HTT: variants seen among roughly 807,000 people sequenced by gnomAD.
HTT encodes the protein huntington disease protein.
HTT carries 104 observed loss-of-function variants against 362.3 expected under a neutral mutation model. The ratio of observed to expected loss-of-function variants is 0.29; its 90% CI spans 0.24 to 0.34. The LOEUF (loss-of-function observed/expected upper bound fraction) is 0.34, where lower values mean the gene tolerates loss of function less well. HTT is among the 10% of genes least tolerant of loss of function. The pLI is 1.00. For missense variants in HTT, 3,301 were observed against 3,928.6 expected (o/e 0.84, Z 4.27); for synonymous variants, 1,577 against 1,548.7 (o/e 1.02, Z -0.43).
At chr4:3,113,133 G>A (rs755010572) in intron 6 of HTT, 4 of 475,522 alleles carry the variant, frequency 8.4e-6, no homozygotes, top group Non-Finnish European at 8.2e-6. Context: ...CAGTTGTAGC[G>A]TGGCCTTGGG....
intron 1 of HTT, among the ~76,000 whole-genome samples, chr4:3,076,597 T>A (rs1712565918): frequency 6.6e-6 from 1 of 152,246 alleles, no homozygotes; most frequent in Non-Finnish European, 1.5e-5. Flanking sequence ...TCCAGAAATT[T>A]ACTGTAGTGC....
At chr4:3,234,580 A>G (rs1217803435) in intron 61 of HTT, among the ~76,000 whole-genome samples, 1 of 152,060 alleles carries the variant, frequency 6.6e-6, no homozygotes, top group Non-Finnish European at 1.5e-5. Flanking sequence ...GGCATGGAGG[A>G]CTCAGGGAAG....
chr4:3,111,882 C>T (rs368830299), intron 6 of HTT, among the ~76,000 whole-genome samples: 10 of 152,122 alleles, frequency 6.6e-5, no homozygotes, highest in Non-Finnish European at 1.2e-4. Context: ...ATGTATGTGG[C>T]GCCTCCAAAG....
chr4:3,199,753 C>T lies in HTT; in HGVS notation c.5390C>T (p.Ala1797Val). The T allele has an allele frequency of 6.2e-7, 1 of 1,614,106 alleles. No individual in the cohort carries two copies. The highest frequency in any genetic ancestry group is 8.5e-7 in the Non-Finnish European group (1 of 1,180,036). ...FKSGMFRRIT[A>V]AATRLFRSDG... ...CTAGGAATGTTCCGGAGAATCACAGCAGCTGCCACTAGGCTGTTCCGCAGT... is the reference window on the plus strand; with the variant it reads ...CTAGGAATGTTCCGGAGAATCACAGTAGCTGCCACTAGGCTGTTCCGCAGT... The change falls in exon 41 of 67, where the codon GCA becomes GTA. Residue 1797 changes from alanine to valine, a missense_variant. Physicochemically the swap from Ala to Val is moderately conservative, Grantham distance 64 (BLOSUM62 0). This residue lies in a region of HTT where 2,316 missense variants were observed against 2,658.5 expected (regional missense o/e 0.87). Coordinates refer to ENST00000355072, the MANE Select transcript of HTT (RefSeq NM_001388492.1).
intron 40 of HTT, among the ~76,000 whole-genome samples, chr4:3,190,632 G>A (rs1451406884): frequency 2.0e-5 from 3 of 151,216 alleles, no homozygotes; most frequent in Admixed American, 6.6e-5. Flanking sequence ...AGGAGGTCAA[G>A]CTGTAGTGAG....
chr4:3,130,000 G>C lies in HTT; in HGVS notation c.1820G>C (p.Gly607Ala), dbSNP rs923491176. The change falls in exon 13 of 67, where the codon GGT (glycine) becomes GCT (alanine). Residue 607 changes from glycine to alanine, a missense_variant. Around this residue, in one of 4 missense-constraint regions of HTT, gnomAD observed 2,316 missense variants for 2,658.5 expected, o/e 0.87. Transcript: ENST00000355072. ...CAGGATGAAGATGAGGAAGCCACAGGTATTCTTCCTGATGAAGCCTCGGAG... is the reference window on the plus strand; with the variant it reads ...CAGGATGAAGATGAGGAAGCCACAGCTATTCTTCCTGATGAAGCCTCGGAG... ...QPQDEDEEAT[G>A]ILPDEASEAF... 1 of 1,613,666 alleles carries C rather than the reference G, an allele frequency of 6.2e-7. No homozygotes were observed. Among genetic ancestry groups the C allele is most frequent in the South Asian group, 1.1e-5 (1 of 91,000 alleles).
At chr4:3,152,813 A>AT (rs1181564097) in intron 26 of HTT, among the ~76,000 whole-genome samples, 5,303 of 132,298 alleles carry the variant, frequency 0.04, 295 homozygotes, top group African/African-American at 0.12. Context: ...TGCCTGGCTA[A>AT]TTTTTTTTTT....
At chr4:3,147,034 A>G in intron 25 of HTT, 86 bp downstream of exon 25, 7 of 1,287,966 alleles carry the variant, frequency 5.4e-6, no homozygotes, top group Non-Finnish European at 7.9e-6. Context: ...ATATGAGGGG[A>G]AAATACTATA....
At chr4:3,221,457 C>G (rs746538365) in intron 53 of HTT, among the ~76,000 whole-genome samples, 35 of 152,194 alleles carry the variant, frequency 2.3e-4, no homozygotes, top group Non-Finnish European at 4.6e-4. Context: ...GCAGTCCTTG[C>G]CTTGTCTGTG....
At chr4:3,081,731 A>G (rs1272218156) in intron 1 of HTT, among the ~76,000 whole-genome samples, 2 of 151,228 alleles carry the variant, frequency 1.3e-5, no homozygotes, top group Non-Finnish European at 3.0e-5. Flanking sequence ...CTAATTTTGT[A>G]TTTTTAGTAG....
chr4:3,192,863 C>G (rs1443209526), intron 40 of HTT, among the ~76,000 whole-genome samples: 1 of 152,242 alleles, frequency 6.6e-6, no homozygotes, highest in East Asian at 1.9e-4. Flanking sequence ...CTTGGCGTGG[C>G]CCGCCTCCAT....
chr4:3,171,933 T>A (rs1214216946), intron 29 of HTT, among the ~76,000 whole-genome samples: 1 of 152,218 alleles, frequency 6.6e-6, no homozygotes, highest in Non-Finnish European at 1.5e-5. Flanking sequence ...AAATCACACA[T>A]TGCTGTATCA....
chr4:3,229,092 CCACACACATGCCACTTG>C (rs1364327069), intron 59 of HTT, 83 bp downstream of exon 59: 1 of 1,376,234 alleles, frequency 7.3e-7, no homozygotes, highest in Non-Finnish European at 1.0e-6. Flanking sequence ...CACACACCGC[CCACACACATGCCACTTG>C]CACACACACC....
chr4:3,229,741 CCA>C (rs1031636070), intron 59 of HTT, 144 bp from the exon 60 acceptor site: 66 of 861,730 alleles, frequency 7.7e-5, no homozygotes, highest in Non-Finnish European at 9.5e-5. Flanking sequence ...CACGCATACA[CCA>C]CACACACACG....
At chr4:3,083,942 T>C (rs1357255921) in intron 1 of HTT, among the ~76,000 whole-genome samples, 1 of 152,234 alleles carries the variant, frequency 6.6e-6, no homozygotes, top group East Asian at 1.9e-4. Flanking sequence ...AGGAATGAGC[T>C]ACTGATAGCA....
chr4:3,212,097 C>T lies in HTT; in HGVS notation c.6583C>T (p.Pro2195Ser). Reference protein sequence around the residue: ...AVHHVFQPELPAEPAAYWSKL... With the variant: ...AVHHVFQPELSAEPAAYWSKL... Reference sequence around the variant, plus strand: ...CCATCATGTCTTCCAGCCCGAGCTGCCTGCAGAGCCGGCGGCCTACTGGAG... The same window carrying T: ...CCATCATGTCTTCCAGCCCGAGCTGTCTGCAGAGCCGGCGGCCTACTGGAG... Residue 2195 changes from proline (P) to serine (S), a missense_variant, in exon 48 of 67, where the codon CCT (proline) becomes TCT (serine). By Grantham distance (74) the Pro-to-Ser change is moderately conservative. Around this residue, in one of 4 missense-constraint regions of HTT, gnomAD observed 220 missense variants for 218.5 expected, o/e 1.01. Transcript: ENST00000355072. 6.2e-7 allele frequency: 1 copy of T among 1,613,910 alleles called. No homozygotes were observed. The highest frequency in any genetic ancestry group is 8.5e-7 in the Non-Finnish European group (1 of 1,179,780).
chr4:3,186,911 T>A (rs1718791121), intron 38 of HTT, among the ~76,000 whole-genome samples, 192 bp downstream of exon 38: 1 of 140,298 alleles, frequency 7.1e-6, no homozygotes, highest in South Asian at 2.2e-4. Flanking sequence ...CAGGCTGGAG[T>A]ACAGTGTCAT....
intron 6 of HTT, 105 bp from the exon 7 acceptor site, chr4:3,115,199 C>A: frequency 8.3e-7 from 1 of 1,199,702 alleles, no homozygotes; most frequent in Non-Finnish European, 1.2e-6. Flanking sequence ...ACTGTTTATA[C>A]TTTGCAAGAA....
chr4:3,134,983 A>G (rs1210630471), intron 19 of HTT, among the ~76,000 whole-genome samples: 1 of 152,116 alleles, frequency 6.6e-6, no homozygotes, highest in East Asian at 1.9e-4. Flanking sequence ...TGGCCTCCCA[A>G]AGTGCTGGGA....
Sources: gnomAD v4.1 joint callset for allele counts (sites outside exome capture counted in the v4.1 genomes callset) on GRCh38, gnomAD v4.1.1 for gene constraint, gnomAD v4.1.1 regional missense constraint, MANE v1.5 for transcripts, NCBI Gene and HGNC (gene_info 2026-07-23, HGNC 2026-07-21) for gene names.